The following GAB2 variants were observed in gnomAD, a reference collection of about 807,000 sequenced individuals.
The protein encoded by GAB2 is GRB2 associated binding protein 2, also known as GRB2-associated-binding protein 2.
Under a neutral mutation model 65.5 loss-of-function variants are expected in GAB2, and 26 were observed. The observed-to-expected ratio is 0.40, with a 90% CI of 0.29 to 0.55. The LOEUF (loss-of-function observed/expected upper bound fraction) is 0.55. Ranked by LOEUF, GAB2 falls within the 20% of genes least tolerant of loss-of-function variation. The pLI is 0.53. For missense variants in GAB2, 884 were observed against 875.8 expected (o/e 1.01, Z -0.12); for synonymous variants, 321 against 329.6 (o/e 0.97, Z 0.28).
At chr11:78,238,106 T>C (rs1444861423) in intron 3 of GAB2, among the ~76,000 whole-genome samples, 3 of 151,040 alleles carry the variant, frequency 2.0e-5, no homozygotes, top group Non-Finnish European at 4.4e-5. Context: ...GATGGGTTGA[T>C]CTGTGCAGTA....
intron 1 of GAB2, among the ~76,000 whole-genome samples, chr11:78,290,300 G>T (rs1027046325): frequency 1.2e-4 from 18 of 152,154 alleles, no homozygotes; most frequent in African/African-American, 4.1e-4. Context: ...AAAAGAATTT[G>T]TGTCTAGGAT....
Position 78,250,148 on chromosome 11 carries a change from GCCTCCT to G in GAB2, c.620+3_620+8del, listed in dbSNP as rs1865408496. 1 of 1,611,906 alleles carries G rather than the reference GCCTCCT, an allele frequency of 6.2e-7. No individual in the cohort carries two copies. Among genetic ancestry groups the G allele is most frequent in the Admixed American group, 1.7e-5 (1 of 59,796 alleles). On this transcript the variant is annotated splice_donor_5th_base_variant and intron_variant, in intron 3 of 9. Transcript: ENST00000361507. Reference sequence around the variant, plus strand: ...ACTAACCCACCTAATGGCTGTGGCAGCCTCCTACCTTGCATTTTCTGCTCTTCGGCT... The same window carrying G: ...ACTAACCCACCTAATGGCTGTGGCAGACCTTGCATTTTCTGCTCTTCGGCT...
chr11:78,315,980 C>T (rs529494663), intron 1 of GAB2, among the ~76,000 whole-genome samples: 23 of 152,226 alleles, frequency 1.5e-4, no homozygotes, highest in Middle Eastern at 3.4e-3. Flanking sequence ...AGAAAGCAAG[C>T]GGAAGAAGGT....
intron 1 of GAB2, among the ~76,000 whole-genome samples, chr11:78,320,807 G>C (rs1209153543): frequency 6.7e-6 from 1 of 149,534 alleles, no homozygotes. Context: ...CTGGGCTCAA[G>C]TGATCCACCT....
intron 1 of GAB2, among the ~76,000 whole-genome samples, chr11:78,324,174 C>T (rs1021521994): frequency 2.6e-5 from 4 of 152,046 alleles, no homozygotes; most frequent in Admixed American, 6.6e-5. Flanking sequence ...AGGTCACTGG[C>T]CATAAGTACA....
intron 3 of GAB2, among the ~76,000 whole-genome samples, chr11:78,249,924 T>C (rs779888921): frequency 6.6e-6 from 1 of 151,960 alleles, no homozygotes; most frequent in Non-Finnish European, 1.5e-5. Flanking sequence ...TTTTATAGCA[T>C]GATTTTTGAT....
intron 1 of GAB2, among the ~76,000 whole-genome samples, chr11:78,321,086 G>T (rs1855714927): frequency 6.6e-6 from 1 of 152,180 alleles, no homozygotes; most frequent in Admixed American, 6.5e-5. Context: ...CGAGCTGTAG[G>T]CCAAGGATTT....
chr11:78,239,105 A>C (rs1190146956), intron 3 of GAB2, among the ~76,000 whole-genome samples: 1 of 152,138 alleles, frequency 6.6e-6, no homozygotes, highest in Non-Finnish European at 1.5e-5. Context: ...TAAGAAAAAA[A>C]AAAAAGGAAG....
intron 1 of GAB2, among the ~76,000 whole-genome samples, chr11:78,286,709 T>C (rs530783138): frequency 2.0e-5 from 3 of 152,288 alleles, no homozygotes; most frequent in African/African-American, 4.8e-5. Flanking sequence ...AAGATAAAGA[T>C]GTGTAATAGA....
intron 2 of GAB2, among the ~76,000 whole-genome samples, chr11:78,252,627 C>A (rs560075079): frequency 6.6e-6 from 1 of 152,144 alleles, no homozygotes; most frequent in Admixed American, 6.6e-5. Context: ...CTCTCTCTCC[C>A]GCTGAAGACT....
At position 78,298,508 on chromosome 11, in the gene GAB2, T is replaced by G. The variant is rs563839515; in HGVS notation, c.76-17607A>C. On this transcript the variant is annotated intron_variant, in intron 1 of 9. Transcript: ENST00000361507. ...TCACATCTGGGAAACCAAAAAGCCCTGTATCAGTAATTACACTGATTGAAT... is the reference window on the plus strand; with the variant it reads ...TCACATCTGGGAAACCAAAAAGCCCGGTATCAGTAATTACACTGATTGAAT... Among the ~76,000 whole-genome samples the G allele has an allele frequency of 2.6e-5, 4 of 152,346 alleles. No individual in the cohort carries two copies. The South Asian group carries it at 8.3e-4, about 32-fold the overall frequency.
At chr11:78,261,629 T>G (rs535333212) in intron 2 of GAB2, among the ~76,000 whole-genome samples, 11 of 152,290 alleles carry the variant, frequency 7.2e-5, no homozygotes, top group African/African-American at 2.6e-4. Context: ...TTGGGTTGGT[T>G]AGTTGGTCCC....
intron 2 of GAB2, among the ~76,000 whole-genome samples, chr11:78,255,522 G>T (rs574194445): frequency 1.3e-5 from 2 of 152,152 alleles, no homozygotes; most frequent in Non-Finnish European, 2.9e-5. Flanking sequence ...CCTGATGGCC[G>T]AGTACCCCTG....
At chr11:78,248,764 C>A (rs1865364634) in intron 3 of GAB2, among the ~76,000 whole-genome samples, 1 of 152,182 alleles carries the variant, frequency 6.6e-6, no homozygotes, top group South Asian at 2.1e-4. Flanking sequence ...CCCAAGATCA[C>A]AAAGAAAGTA....
intron 1 of GAB2, among the ~76,000 whole-genome samples, chr11:78,362,542 T>C (rs1443025456): frequency 4.6e-5 from 7 of 151,718 alleles, no homozygotes; most frequent in Non-Finnish European, 1.0e-4. Context: ...CACTACACGG[T>C]TGCAACAAAT....
intron 1 of GAB2, among the ~76,000 whole-genome samples, chr11:78,416,356 T>C (rs910885229): frequency 1.2e-4 from 19 of 152,150 alleles, no homozygotes; most frequent in African/African-American, 4.6e-4. Context: ...ACAACAACAC[T>C]TCCTTTGAAA....
chr11:78,220,684 A>T (rs1316710677), intron 8 of GAB2, among the ~76,000 whole-genome samples: 1 of 152,178 alleles, frequency 6.6e-6, no homozygotes, highest in Admixed American at 6.5e-5. Context: ...CTTTCAGAGA[A>T]GTGACTTTGC....
At chr11:78,325,193 T>C (rs1240841023) in intron 1 of GAB2, among the ~76,000 whole-genome samples, 1 of 152,212 alleles carries the variant, frequency 6.6e-6, no homozygotes, top group Admixed American at 6.5e-5. Flanking sequence ...CCTGGAAGGC[T>C]GTGTTGAGAA....
In GAB2 at chr11:78,291,561, CTTTTTTT is replaced by C. The variant is rs1163199130; in HGVS notation, c.76-10667_76-10661del. ...TTGAGAGACTTACTTTTTTCTTTTT[CTTTTTTT>C]TTTTTTTTTTTTTTTTTTTTTGCGA... On this transcript the variant is annotated intron_variant, in intron 1 of 9. Coordinates refer to ENST00000361507, the MANE Select transcript of GAB2 (RefSeq NM_080491.3). Among the ~76,000 whole-genome samples the C allele has an allele frequency of 2.5e-4, 20 of 80,894 alleles. No homozygotes were observed. The East Asian group carries it at 3.5e-3, about 14-fold the overall frequency. 53.1% of individuals were successfully genotyped at this position (80,894 alleles called of 152,430 possible).
Sources: allele counts gnomAD v4.1 joint callset (sites outside exome capture counted in the v4.1 genomes callset), GRCh38; gene constraint gnomAD v4.1.1; transcripts MANE v1.5; gene names NCBI Gene and HGNC (gene_info 2026-07-23, HGNC 2026-07-21).